CAMK1D: variants seen among roughly 807,000 people sequenced by gnomAD.
The protein encoded by CAMK1D is calcium/calmodulin-dependent protein kinase type 1D.
In CAMK1D, 9 loss-of-function variants were observed where a neutral mutation model predicts 47.7. The observed-to-expected ratio is 0.19, with a 90% CI of 0.11 to 0.33. The LOEUF (loss-of-function observed/expected upper bound fraction) is 0.33. Among genes scored for constraint, CAMK1D ranks in the 10% least tolerant of loss-of-function variants. The probability of loss-of-function intolerance (pLI) is 1.00; values close to 1 mark genes in which losing one functional copy is unlikely to be tolerated. For missense variants in CAMK1D, 291 were observed against 488.7 expected, an observed-to-expected ratio of 0.60 and a Z score of 3.81; for synonymous variants, 184 against 184.9, an observed-to-expected ratio of 0.99 and a Z score of 0.04.
At chr10:12,459,513 C>A (rs1047231551) in intron 1 of CAMK1D, among the ~76,000 whole-genome samples, 1 of 151,512 alleles carries the variant, frequency 6.6e-6, no homozygotes, top group Non-Finnish European at 1.5e-5. Context: ...GAAAAAAAAA[C>A]CCACGCATAC....
At chr10:12,779,303 G>A (rs1034650042) in intron 5 of CAMK1D, among the ~76,000 whole-genome samples, 8 of 152,210 alleles carry the variant, frequency 5.3e-5, no homozygotes, top group Admixed American at 1.3e-4. Context: ...TGCCTGCTCA[G>A]CTGCATTAAT....
intron 3 of CAMK1D, among the ~76,000 whole-genome samples, chr10:12,670,485 C>T (rs947546654): frequency 3.3e-5 from 5 of 151,210 alleles, no homozygotes; most frequent in South Asian, 2.1e-4. Flanking sequence ...TTTAATGGCA[C>T]CTTTTAAAAA....
chr10:12,459,189 T>A (rs1250436787), intron 1 of CAMK1D, among the ~76,000 whole-genome samples: 12 of 152,086 alleles, frequency 7.9e-5, no homozygotes, highest in Admixed American at 7.9e-4. Flanking sequence ...AGGATTATAT[T>A]TTATCATAAT....
At chr10:12,545,693 G>A (rs140202607) in intron 1 of CAMK1D, among the ~76,000 whole-genome samples, 2,140 of 151,630 alleles carry the variant, frequency 0.014, 36 homozygotes, top group South Asian at 0.063. Flanking sequence ...CCAGCTACTT[G>A]GGAGGCTGAG....
intron 1 of CAMK1D, among the ~76,000 whole-genome samples, chr10:12,450,557 G>T (rs1833053831): frequency 6.6e-6 from 1 of 152,324 alleles, no homozygotes; most frequent in South Asian, 2.1e-4. Context: ...GGTGTCTCCA[G>T]CTGGGCTTGG....
At chr10:12,650,390 C>T (rs1040469307) in intron 2 of CAMK1D, among the ~76,000 whole-genome samples, 1 of 152,246 alleles carries the variant, frequency 6.6e-6, no homozygotes, top group Non-Finnish European at 1.5e-5. Context: ...CGTGCTGTGT[C>T]ATGATGTTTA....
intron 2 of CAMK1D, among the ~76,000 whole-genome samples, chr10:12,587,197 G>A (rs1482280618): frequency 6.6e-6 from 1 of 152,176 alleles, no homozygotes; most frequent in Non-Finnish European, 1.5e-5. Flanking sequence ...GCAATGTTAA[G>A]AGAGGTTGTG....
At chr10:12,368,117 G>A (rs1379868710) in intron 1 of CAMK1D, among the ~76,000 whole-genome samples, 3 of 152,002 alleles carry the variant, frequency 2.0e-5, no homozygotes, top group Admixed American at 6.6e-5. Flanking sequence ...GCGTGAGCCC[G>A]GGAGGCGGAG....
At chr10:12,623,046 TCC>T (rs1839048219) in intron 2 of CAMK1D, among the ~76,000 whole-genome samples, 2 of 42,114 alleles carry the variant, frequency 4.7e-5, no homozygotes, top group Non-Finnish European at 8.4e-5. Flanking sequence ...CGCCCTTCCC[TCC>T]CTCCCTCCCT....
chr10:12,655,261 G>A (rs935445814), intron 2 of CAMK1D, among the ~76,000 whole-genome samples: 1 of 152,158 alleles, frequency 6.6e-6, no homozygotes, highest in African/African-American at 2.4e-5. Context: ...TCGAGAGAGA[G>A]TGGGAGGGGG....
intron 1 of CAMK1D, among the ~76,000 whole-genome samples, chr10:12,387,477 CTCT>C (rs1838565095): frequency 1.1e-5 from 1 of 88,002 alleles, no homozygotes; most frequent in Non-Finnish European, 2.6e-5. Context: ...ACATTGTAAA[CTCT>C]TAATGAAAGT....
chr10:12,593,421 C>T (rs1482180253), intron 2 of CAMK1D, among the ~76,000 whole-genome samples: 1 of 152,128 alleles, frequency 6.6e-6, no homozygotes, highest in Non-Finnish European at 1.5e-5. Flanking sequence ...GAAACCCTGT[C>T]TTTACCGAAA....
intron 1 of CAMK1D, among the ~76,000 whole-genome samples, chr10:12,392,697 T>A (rs1012008304): frequency 6.6e-6 from 1 of 152,332 alleles, no homozygotes; most frequent in South Asian, 2.1e-4. Context: ...TTTGAGAGCA[T>A]ATACATTGTT....
chr10:12,550,803 C>T (rs74116983), intron 1 of CAMK1D, among the ~76,000 whole-genome samples: 5,472 of 152,230 alleles, frequency 0.036, 334 homozygotes, highest in African/African-American at 0.13. Flanking sequence ...GCCCCCTGGG[C>T]TTGTATAATT....
At chr10:12,451,024 G>A (rs1311974260) in intron 1 of CAMK1D, among the ~76,000 whole-genome samples, 2 of 152,144 alleles carry the variant, frequency 1.3e-5, no homozygotes, top group African/African-American at 2.4e-5. Flanking sequence ...GTGCGGTGCT[G>A]GGTGTCTGCC....
chr10:12,656,965 G>C (rs762124327), intron 2 of CAMK1D, among the ~76,000 whole-genome samples: 2 of 152,132 alleles, frequency 1.3e-5, no homozygotes, highest in Non-Finnish European at 2.9e-5. Flanking sequence ...TTAACGACTT[G>C]TTCAAAGTCT....
intron 1 of CAMK1D, among the ~76,000 whole-genome samples, chr10:12,483,753 C>G (rs1320307855): frequency 1.3e-5 from 2 of 152,050 alleles, no homozygotes; most frequent in East Asian, 1.9e-4. Context: ...GTGGCGTGAT[C>G]TCGGCTCACT....
At chr10:12,407,476 T>G (rs918061690) in intron 1 of CAMK1D, among the ~76,000 whole-genome samples, 3 of 152,348 alleles carry the variant, frequency 2.0e-5, no homozygotes, top group Non-Finnish European at 4.4e-5. Context: ...CTGTCTGCTC[T>G]GCTGAGCCAC....
At chr10:12,724,612 C>T (rs1054157205) in intron 3 of CAMK1D, among the ~76,000 whole-genome samples, 1 of 152,250 alleles carries the variant, frequency 6.6e-6, no homozygotes, top group Non-Finnish European at 1.5e-5. Context: ...GTCCTAGACA[C>T]TGAGAAGTCC....
Sources: gnomAD v4.1 joint callset for allele counts (sites outside exome capture counted in the v4.1 genomes callset) on GRCh38, gnomAD v4.1.1 for gene constraint, MANE v1.5 for transcripts, NCBI Gene and HGNC (gene_info 2026-07-23, HGNC 2026-07-21) for gene names.